The following TP53BP1 variants were observed in gnomAD, a reference collection of about 807,000 sequenced individuals.
TP53BP1 encodes the protein TP53-binding protein 1.
In TP53BP1, 61 loss-of-function variants were observed where a neutral mutation model predicts 200.8. That is an observed-to-expected ratio of 0.30 (90% CI 0.25 to 0.38). TP53BP1 has a LOEUF of 0.38. Ranked by LOEUF, TP53BP1 falls within the 10% of genes least tolerant of loss-of-function variation. The pLI, the probability that TP53BP1 is intolerant of heterozygous loss-of-function variation, is 1.00. For synonymous variants in TP53BP1, 822 were observed against 844.3 expected (o/e 0.97, Z 0.46); for missense variants, 2,144 against 2,371.9 (o/e 0.90, Z 2.00).
intron 16 of TP53BP1, among the ~76,000 whole-genome samples, chr15:43,438,027 A>C (rs956601616): frequency 6.6e-6 from 1 of 152,234 alleles, no homozygotes; most frequent in African/African-American, 2.4e-5. Flanking sequence ...AGAAGGTGGA[A>C]AGGGGGCCAA....
chr15:43,421,319 C>T (rs769651654), intron 19 of TP53BP1, 145 bp from the exon 20 acceptor site: 1 of 761,246 alleles, frequency 1.3e-6, no homozygotes, highest in Admixed American at 2.7e-5. Context: ...ACACCCACCA[C>T]CAAAATCTCA....
At chr15:43,425,088 T>G (rs1289610495) in intron 18 of TP53BP1, among the ~76,000 whole-genome samples, 2 of 152,290 alleles carry the variant, frequency 1.3e-5, no homozygotes, top group East Asian at 3.9e-4. Flanking sequence ...CAGAGTCCCC[T>G]CCAGCAAGAA....
Position 43,481,593 on chromosome 15 carries a change from G to C in TP53BP1, c.372-571C>G, listed in dbSNP as rs529430380. Among the ~76,000 whole-genome samples the C allele has an allele frequency of 2.1e-3, 319 of 151,412 alleles. 2 individuals carry two copies. Among genetic ancestry groups the C allele is most frequent in the African/African-American group, 7.2e-3 (297 of 41,322 alleles). On this transcript the variant is annotated intron_variant, in intron 4 of 27. Transcript: ENST00000382044. ...GCACTTTGGGAGGCAGAGGCAGGCAGGTCACGAGGTCAAGAGATCGAGACC... is the reference window on the plus strand; with the variant it reads ...GCACTTTGGGAGGCAGAGGCAGGCACGTCACGAGGTCAAGAGATCGAGACC...
chr15:43,493,246 C>G, upstream of TP53BP1: 1 of 1,445,002 alleles, frequency 6.9e-7, no homozygotes. Flanking sequence ...TAGGTAGCTG[C>G]GGCAGAGTGC....
intron 11 of TP53BP1, among the ~76,000 whole-genome samples, chr15:43,460,028 T>G (rs1159781185): frequency 2.0e-5 from 3 of 152,100 alleles, no homozygotes; most frequent in African/African-American, 7.2e-5. Context: ...GCTCTCTACT[T>G]TGATGGTGGT....
chr15:43,485,108 A>G (rs942996774), intron 4 of TP53BP1, among the ~76,000 whole-genome samples: 11 of 152,044 alleles, frequency 7.2e-5, no homozygotes, highest in African/African-American at 2.7e-4. Flanking sequence ...TCCCTGCTAT[A>G]TTTATCTCTT....
chr15:43,448,631 C>G (rs937071167), intron 12 of TP53BP1, among the ~76,000 whole-genome samples: 10 of 152,054 alleles, frequency 6.6e-5, no homozygotes, highest in Admixed American at 4.6e-4. Context: ...GCTCCGCCTC[C>G]CGGGTTCATG....
At chr15:43,413,391 G>A in intron 23 of TP53BP1, 57 bp from the exon 24 acceptor site, 1 of 1,458,058 alleles carries the variant, frequency 6.9e-7, no homozygotes, top group Non-Finnish European at 9.4e-7. Flanking sequence ...CTCAGCAAAA[G>A]CCTTAACACC....
chr15:43,455,822 A>G (rs2046279608), intron 12 of TP53BP1, 70 bp downstream of exon 12: 1 of 1,551,080 alleles, frequency 6.4e-7, no homozygotes, highest in Non-Finnish European at 8.8e-7. Context: ...ATAAGCATGC[A>G]GTTCTCGCCA....
At chr15:43,438,550 G>A in intron 15 of TP53BP1, 134 bp from the exon 16 acceptor site, 1 of 617,750 alleles carries the variant, frequency 1.6e-6, no homozygotes, top group Non-Finnish European at 2.7e-6. Context: ...ACACCAAAAT[G>A]CAAATTCTCC....
chr15:43,506,142 G>C (rs2079235119), intron 1 of TP53BP1, among the ~76,000 whole-genome samples: 2 of 152,012 alleles, frequency 1.3e-5, no homozygotes, highest in Admixed American at 1.3e-4. Context: ...TAAATCTTAT[G>C]GAGACTTTAA....
chr15:43,452,205 A>G (rs1451592218), intron 12 of TP53BP1, among the ~76,000 whole-genome samples: 2 of 152,056 alleles, frequency 1.3e-5, no homozygotes, highest in Non-Finnish European at 2.9e-5. Context: ...GTACAAAATA[A>G]TATTTTTCTG....
At chr15:43,467,412 G>C (rs1439953451) in intron 11 of TP53BP1, among the ~76,000 whole-genome samples, 1 of 152,106 alleles carries the variant, frequency 6.6e-6, no homozygotes, top group Non-Finnish European at 1.5e-5. Flanking sequence ...GACTGCACTG[G>C]CTAAGGCATC....
At position 43,493,056 on chromosome 15, in the gene TP53BP1, T is replaced by C. The variant is rs937980043; in HGVS notation, c.-13A>G. On this transcript the variant is annotated 5_prime_UTR_variant, in exon 1 of 28. Transcript: ENST00000382044. ...CAGTACCAGGCATCCCGGCGGGAGG[T>C]CCCTCGCGCTCGAGCTAGAGGTCTC... is the stretch of plus-strand genomic sequence containing the variant. 3.1e-6 allele frequency: 5 copies of C among 1,612,264 alleles called. No homozygotes were observed. Among genetic ancestry groups the C allele is most frequent in the Non-Finnish European group, 4.2e-6 (5 of 1,179,500 alleles).
chr15:43,414,034 A>G, intron 23 of TP53BP1: 2 of 443,846 alleles, frequency 4.5e-6, no homozygotes, highest in South Asian at 1.7e-5. Flanking sequence ...GTCCTTGAGA[A>G]AAAAAACAGA....
At chr15:43,507,722 CTTTTTTT>C (rs900254099) in intron 1 of TP53BP1, among the ~76,000 whole-genome samples, 18 of 145,064 alleles carry the variant, frequency 1.2e-4, no homozygotes, top group African/African-American at 2.3e-4. Flanking sequence ...TTTCTTTTTT[CTTTTTTT>C]TTTTTCTGTT....
intron 12 of TP53BP1, among the ~76,000 whole-genome samples, chr15:43,448,817 A>G (rs2046100915): frequency 6.6e-6 from 1 of 152,224 alleles, no homozygotes; most frequent in Non-Finnish European, 1.5e-5. Context: ...TAAAGTACAT[A>G]TGCTCAGCTA....
intron 12 of TP53BP1, among the ~76,000 whole-genome samples, chr15:43,453,669 A>G (rs1311852389): frequency 1.3e-5 from 2 of 151,382 alleles, no homozygotes; most frequent in African/African-American, 4.8e-5. Context: ...CTCAGCCTCC[A>G]GAGTAGCTGG....
At chr15:43,493,229 T>C (rs2079154652), upstream of TP53BP1, 1 of 1,463,482 alleles carries the variant, frequency 6.8e-7, no homozygotes, top group African/African-American at 1.4e-5. Flanking sequence ...AGAAATCCCG[T>C]GGATGATAGG....
Sources: gnomAD v4.1 joint callset for allele counts (sites outside exome capture counted in the v4.1 genomes callset) on GRCh38, gnomAD v4.1.1 for gene constraint, MANE v1.5 for transcripts, NCBI Gene and HGNC (gene_info 2026-07-23, HGNC 2026-07-21) for gene names.